The following EFL1 variants were observed in gnomAD, a reference collection of about 807,000 sequenced individuals.
The protein encoded by EFL1 is elongation factor-like GTPase 1.
A neutral mutation model predicts 126.7 loss-of-function variants in EFL1; 76 were observed. The observed-to-expected ratio is 0.60, with a 90% CI of 0.50 to 0.73. The LOEUF (loss-of-function observed/expected upper bound fraction) is 0.73, where lower values mean the gene tolerates loss of function less well. EFL1 is among the 30% of genes least tolerant of loss of function. EFL1 has a pLI of 0.00. For missense variants in EFL1, 1,128 were observed against 1,343.2 expected (o/e 0.84, Z 2.50); for synonymous variants, 410 against 448.4 (o/e 0.91, Z 1.08).
At chr15:82,175,379 A>T (rs1472023018) in intron 15 of EFL1, among the ~76,000 whole-genome samples, 1 of 152,212 alleles carries the variant, frequency 6.6e-6, no homozygotes, top group South Asian at 2.1e-4. Flanking sequence ...CAGGGCACGC[A>T]TTACTTCCTG....
At chr15:82,229,142 T>C (rs2074795065) in intron 8 of EFL1, 32 bp from the exon 9 acceptor site, 1 of 1,549,828 alleles carries the variant, frequency 6.5e-7, no homozygotes, top group East Asian at 2.3e-5. Context: ...CTTAAGTTCC[T>C]GAACATTTAA....
chr15:82,255,814 C>T (rs909855367), intron 3 of EFL1, among the ~76,000 whole-genome samples: 2 of 152,124 alleles, frequency 1.3e-5, no homozygotes, highest in Non-Finnish European at 2.9e-5. Flanking sequence ...CAGCCGATTC[C>T]AGGCCACAGG....
intron 12 of EFL1, among the ~76,000 whole-genome samples, chr15:82,223,283 G>C (rs929218874): frequency 1.3e-5 from 2 of 150,218 alleles, no homozygotes; most frequent in African/African-American, 4.9e-5. Flanking sequence ...AAATCAGCTA[G>C]AAGATGGAAA....
intron 16 of EFL1, 60 bp downstream of exon 16, chr15:82,163,793 T>C (rs1301872187): frequency 1.3e-6 from 2 of 1,570,420 alleles, no homozygotes; most frequent in Admixed American, 3.6e-5. Flanking sequence ...AAATACTAAA[T>C]ACATGCATAT....
intron 18 of EFL1, among the ~76,000 whole-genome samples, chr15:82,147,404 C>T (rs1319037374): frequency 2.0e-5 from 3 of 151,560 alleles, no homozygotes; most frequent in Admixed American, 1.3e-4. Flanking sequence ...CCGAGGCGGG[C>T]GGATCACTTG....
At chr15:82,232,518 A>G (rs2074832880) in intron 7 of EFL1, among the ~76,000 whole-genome samples, 1 of 152,064 alleles carries the variant, frequency 6.6e-6, no homozygotes, top group Non-Finnish European at 1.5e-5. Context: ...TTATAGTTCT[A>G]TTTTTGCCTC....
intron 1 of EFL1, 67 bp from the exon 2 acceptor site, chr15:82,261,864 A>G: frequency 1.6e-6 from 2 of 1,258,504 alleles, no homozygotes; most frequent in Non-Finnish European, 2.2e-6. Context: ...AAAAAATAAT[A>G]ATAAACGCTG....
At chr15:82,171,452 C>G (rs920745419) in intron 15 of EFL1, among the ~76,000 whole-genome samples, 2 of 152,126 alleles carry the variant, frequency 1.3e-5, no homozygotes, top group East Asian at 3.9e-4. Context: ...GCAACAGTGG[C>G]AGACAGGCAG....
chr15:82,167,380 G>A (rs1030678837), intron 15 of EFL1, among the ~76,000 whole-genome samples: 6 of 152,126 alleles, frequency 3.9e-5, no homozygotes, highest in African/African-American at 1.4e-4. Flanking sequence ...TTGCTAGACT[G>A]TATACTACAC....
At chr15:82,164,930 A>G (rs913949647) in intron 15 of EFL1, among the ~76,000 whole-genome samples, 1 of 151,504 alleles carries the variant, frequency 6.6e-6, no homozygotes, top group African/African-American at 2.4e-5. Flanking sequence ...AAAGAGGCAT[A>G]TTGAATCTCA....
At chr15:82,194,241 T>C (rs1213143617) in intron 15 of EFL1, among the ~76,000 whole-genome samples, 1 of 152,188 alleles carries the variant, frequency 6.6e-6, no homozygotes, top group Non-Finnish European at 1.5e-5. Context: ...TAGACCAAAT[T>C]TCGCTCTTCA....
At chr15:82,171,530 C>A (rs575732709) in intron 15 of EFL1, among the ~76,000 whole-genome samples, 1 of 152,120 alleles carries the variant, frequency 6.6e-6, no homozygotes, top group Non-Finnish European at 1.5e-5. Flanking sequence ...ATTGCATCTG[C>A]GTCATACCAT....
intron 14 of EFL1, among the ~76,000 whole-genome samples, chr15:82,218,738 T>C (rs1200390407): frequency 1.3e-5 from 2 of 152,216 alleles, no homozygotes; most frequent in East Asian, 1.9e-4. Context: ...AATTAGAACA[T>C]GCCATAGCTC....
At chr15:82,146,844 C>A (rs952794300) in intron 18 of EFL1, among the ~76,000 whole-genome samples, 1 of 152,062 alleles carries the variant, frequency 6.6e-6, no homozygotes, top group East Asian at 1.9e-4. Context: ...TGAGGAAAGT[C>A]AAAATGATCC....
chr15:82,135,466 C>T (rs1179025708), intron 19 of EFL1, among the ~76,000 whole-genome samples: 1 of 152,056 alleles, frequency 6.6e-6, no homozygotes, highest in Non-Finnish European at 1.5e-5. Flanking sequence ...GGCATATAGC[C>T]ACCTAGAGTC....
chr15:82,227,427 C>G (rs770214414), intron 11 of EFL1, 23 bp downstream of exon 11: 13 of 1,613,844 alleles, frequency 8.1e-6, no homozygotes, highest in Non-Finnish European at 1.1e-5. Context: ...ATGGTATATT[C>G]CAACAGGTCC....
chr15:82,179,076 C>T (rs916562221), intron 15 of EFL1, among the ~76,000 whole-genome samples: 4 of 152,062 alleles, frequency 2.6e-5, no homozygotes, highest in African/African-American at 4.8e-5. Context: ...CCCAGAAGTT[C>T]GAGGTTACAG....
chr15:82,185,725 T>A (rs983890933), intron 15 of EFL1, among the ~76,000 whole-genome samples: 2 of 152,094 alleles, frequency 1.3e-5, no homozygotes, highest in African/African-American at 4.8e-5. Context: ...TCTTTAATAG[T>A]AAAAGCAAAT....
chr15:82,190,069 A>C (rs191600971), intron 15 of EFL1, among the ~76,000 whole-genome samples: 2 of 151,406 alleles, frequency 1.3e-5, no homozygotes, highest in African/African-American at 4.9e-5. Flanking sequence ...GTGAGCCAAG[A>C]TCACGCACTC....
Sources: allele counts gnomAD v4.1 joint callset (sites outside exome capture counted in the v4.1 genomes callset), GRCh38; gene constraint gnomAD v4.1.1; transcripts MANE v1.5; gene names NCBI Gene and HGNC (gene_info 2026-07-23, HGNC 2026-07-21).